Variants in TRIO observed in about 807,000 individuals in gnomAD.
TRIO encodes trio Rho guanine nucleotide exchange factor.
A neutral mutation model predicts 351.9 loss-of-function variants in TRIO; 58 were observed. That is an observed-to-expected ratio of 0.16 (90% CI 0.13 to 0.21). The LOEUF (loss-of-function observed/expected upper bound fraction) is 0.21. TRIO is among the 10% of genes least tolerant of loss of function. The pLI is 1.00. For missense variants in TRIO, 3,201 were observed against 4,027.8 expected (o/e 0.79, Z 5.56); for synonymous variants, 1,758 against 1,595.7 (o/e 1.10, Z -2.42).
intron 11 of TRIO, among the ~76,000 whole-genome samples, chr5:14,350,735 A>G (rs528532228): frequency 1.3e-5 from 2 of 152,110 alleles, no homozygotes; most frequent in East Asian, 3.9e-4. Context: ...TCATGATGCT[A>G]ACTTTGGTTT....
At chr5:14,371,813 G>T (rs770125670) in intron 18 of TRIO, among the ~76,000 whole-genome samples, 2 of 151,836 alleles carry the variant, frequency 1.3e-5, no homozygotes, top group African/African-American at 4.8e-5. Context: ...GCTAATTTTT[G>T]TATTTTTTTG....
chr5:14,411,358 G>T (rs918258727), intron 33 of TRIO, among the ~76,000 whole-genome samples: 1 of 152,140 alleles, frequency 6.6e-6, no homozygotes. Flanking sequence ...AAACTGTATT[G>T]TAGAACAAAG....
At chr5:14,438,249 TCTCA>T (rs1751754607) in intron 34 of TRIO, among the ~76,000 whole-genome samples, 1 of 152,212 alleles carries the variant, frequency 6.6e-6, no homozygotes, top group Non-Finnish European at 1.5e-5. Context: ...ACTAAACCTG[TCTCA>T]CTGTTTCATT....
rs1748448790 is a variant in TRIO at position 14,403,848 on chromosome 5, TGG to T, written c.4717-1999_4717-1998del. Among the ~76,000 whole-genome samples the T allele has an allele frequency of 1.1e-4, 12 of 109,694 alleles. 1 individual carries two copies. The highest frequency in any genetic ancestry group is 4.6e-4 in the African/African-American group (10 of 21,706). The allele number at this position is 109,694 out of a possible 152,430, so 72.0% of individuals were successfully genotyped here. ...GTGCAGGTGGTGGTGAGGGTGCAGG[TGG>T]TGGTGAGGGTGCAGGTGGTGGTGAG... On this transcript the variant is annotated intron_variant, in intron 31 of 56. Transcript: ENST00000344204.
chr5:14,238,080 A>G (rs1333967547), intron 1 of TRIO, among the ~76,000 whole-genome samples: 1 of 152,206 alleles, frequency 6.6e-6, no homozygotes, highest in African/African-American at 2.4e-5. Flanking sequence ...TAATATTTAG[A>G]TGAAGTTAGA....
At chr5:14,251,808 G>A (rs1204659500) in intron 1 of TRIO, among the ~76,000 whole-genome samples, 1 of 152,182 alleles carries the variant, frequency 6.6e-6, no homozygotes, top group African/African-American at 2.4e-5. Context: ...GGTGTCAACA[G>A]AAGCCATGGG....
At chr5:14,247,301 A>T (rs1402268816) in intron 1 of TRIO, among the ~76,000 whole-genome samples, 2 of 152,264 alleles carry the variant, frequency 1.3e-5, no homozygotes, top group Non-Finnish European at 2.9e-5. Context: ...TGATGTGTGG[A>T]TGTAAACTTC....
intron 1 of TRIO, among the ~76,000 whole-genome samples, chr5:14,188,053 G>T (rs777128846): frequency 6.6e-6 from 1 of 152,218 alleles, no homozygotes; most frequent in South Asian, 2.1e-4. Context: ...TTCAAGATGA[G>T]CTGTAACTTT....
At chr5:14,278,594 A>C (rs941633328) in intron 2 of TRIO, among the ~76,000 whole-genome samples, 1 of 152,172 alleles carries the variant, frequency 6.6e-6, no homozygotes, top group Non-Finnish European at 1.5e-5. Flanking sequence ...GATCTATGAT[A>C]ATTTCAGTCA....
chr5:14,478,040 G>A (rs1360618876), intron 41 of TRIO, among the ~76,000 whole-genome samples: 1 of 152,126 alleles, frequency 6.6e-6, no homozygotes, highest in African/African-American at 2.4e-5. Context: ...ATACCCAAGA[G>A]TAAATAATTA....
chr5:14,479,812 C>T (rs886088443), intron 42 of TRIO, 107 bp from the exon 43 acceptor site: 61 of 982,988 alleles, frequency 6.2e-5, no homozygotes, highest in Admixed American at 5.5e-4. Context: ...TTTTTTTCCT[C>T]GTTACTTTTA....
intron 11 of TRIO, among the ~76,000 whole-genome samples, chr5:14,340,297 T>G (rs1741827709): frequency 6.7e-6 from 1 of 150,064 alleles, no homozygotes; most frequent in African/African-American, 2.5e-5. Context: ...CTTGGGAGGC[T>G]GAGGCAGGAG....
chr5:14,248,238 G>A (rs1316496921), intron 1 of TRIO, among the ~76,000 whole-genome samples: 1 of 152,114 alleles, frequency 6.6e-6, no homozygotes, highest in Non-Finnish European at 1.5e-5. Context: ...AGATTTTGAA[G>A]GAATCATTCT....
chr5:14,210,156 T>G (rs555272956), intron 1 of TRIO, among the ~76,000 whole-genome samples: 1 of 152,268 alleles, frequency 6.6e-6, no homozygotes, highest in South Asian at 2.1e-4. Context: ...TGGTTGAGTT[T>G]TGAAGGAATA....
At chr5:14,417,020 C>T (rs1240321314) in intron 33 of TRIO, among the ~76,000 whole-genome samples, 1 of 152,200 alleles carries the variant, frequency 6.6e-6, no homozygotes, top group African/African-American at 2.4e-5. Context: ...CAATCTGTAC[C>T]CTCCTTCGGG....
In TRIO at chr5:14,465,636, A is replaced by G. The variant is rs1754198554; in HGVS notation, c.5759A>G (p.Lys1920Arg). 2 of 1,614,144 alleles carry G rather than the reference A, an allele frequency of 1.2e-6. No homozygotes were observed. Among genetic ancestry groups the G allele is most frequent in the Non-Finnish European group, 1.7e-6 (2 of 1,180,020 alleles). The change falls in exon 37 of 57, where the codon AAG (lysine) becomes AGG (arginine). Residue 1920 changes from lysine (K) to arginine (R), a missense_variant. By Grantham distance (26) the Lys-to-Arg change is conservative. Coordinates refer to ENST00000344204, the MANE Select transcript of TRIO (RefSeq NM_007118.4). Reference protein sequence around the residue: ...VSAIEELVKSKMALEDRPSSL... With the variant: ...VSAIEELVKSRMALEDRPSSL... ...GCAATTGAGGAACTCGTGAAAAGCA[A>G]GATGGTGAGGCCTCCCAGAGAAAGT...
At chr5:14,229,494 C>T (rs1001262475) in intron 1 of TRIO, among the ~76,000 whole-genome samples, 2 of 152,216 alleles carry the variant, frequency 1.3e-5, no homozygotes, top group Non-Finnish European at 2.9e-5. Flanking sequence ...TAAACATGAG[C>T]AGTCTCTAGA....
rs1349609587 is a variant in TRIO at position 14,143,391 on chromosome 5, G to C, written c.-335G>C. ...GGCAGCCGCCGGCGCCCGTGATCCC[G>C]GAGGTCTCGCCGGCCACGGGCCCCC... On this transcript the variant is annotated 5_prime_UTR_variant, in exon 1 of 57. Transcript: ENST00000344204. Among the ~76,000 whole-genome samples the C allele has an allele frequency of 6.6e-6, 1 of 150,432 alleles. No homozygotes were observed.
At chr5:14,191,318 C>T (rs377625540) in intron 1 of TRIO, among the ~76,000 whole-genome samples, 1 of 152,146 alleles carries the variant, frequency 6.6e-6, no homozygotes, top group East Asian at 1.9e-4. Flanking sequence ...AAAGGCCAGG[C>T]ACAGTGGCTG....
Sources: allele counts gnomAD v4.1 joint callset (sites outside exome capture counted in the v4.1 genomes callset), GRCh38; gene constraint gnomAD v4.1.1; transcripts MANE v1.5; gene names NCBI Gene and HGNC (gene_info 2026-07-23, HGNC 2026-07-21).